TCF20: variants seen among roughly 807,000 people sequenced by gnomAD.
The protein encoded by TCF20 is transcription factor 20, also known as SPRE-binding protein.
In TCF20, 3 loss-of-function variants were observed where a neutral mutation model predicts 148.6. The ratio of observed to expected loss-of-function variants is 0.02; its 90% CI spans 0.01 to 0.05. TCF20 has a LOEUF of 0.05. TCF20 is among the 10% of genes least tolerant of loss of function. The pLI is 1.00. For missense variants in TCF20, 2,350 were observed against 2,429.3 expected, an observed-to-expected ratio of 0.97 and a Z score of 0.69; for synonymous variants, 1,049 against 909.5, an observed-to-expected ratio of 1.15 and a Z score of -2.76.
At chr22:42,336,212 G>C (rs1224112651) in intron 1 of TCF20, among the ~76,000 whole-genome samples, 2 of 152,118 alleles carry the variant, frequency 1.3e-5, no homozygotes, top group South Asian at 4.1e-4. Context: ...GCAAGAACTG[G>C]GTGTGTCCAG....
chr22:42,295,680 T>C (rs1927223110), intron 1 of TCF20, among the ~76,000 whole-genome samples: 1 of 152,136 alleles, frequency 6.6e-6, no homozygotes, highest in Non-Finnish European at 1.5e-5. Flanking sequence ...CCTCAAGTGA[T>C]CCACCCACCT....
Position 42,317,656 on chromosome 22 carries a change from GA to G in TCF20, c.-37+25822del, listed in dbSNP as rs947314319. 6.6e-6 allele frequency among the ~76,000 whole-genome samples: 1 copy of G among 152,232 alleles called. No individual in the cohort carries two copies. ...TGCATTCCCGCTGGGGGCTGGGGGG[GA>G]AAGGGGTGTAGACTCAGCCGCAGGA... On this transcript the variant is annotated intron_variant, in intron 1 of 1. Coordinates refer to the TCF20 transcript ENST00000515426. The surrounding 1 kb of genome is among the most constrained non-coding windows in gnomAD (Gnocchi z 4.2).
At chr22:42,319,761 C>T (rs906819134) in intron 1 of TCF20, among the ~76,000 whole-genome samples, 9 of 152,162 alleles carry the variant, frequency 5.9e-5, no homozygotes, top group Non-Finnish European at 8.8e-5. Flanking sequence ...CACCCTGCAG[C>T]GGCCTGGATG....
At chr22:42,187,539 C>G (rs1937104408) in intron 2 of TCF20, among the ~76,000 whole-genome samples, 1 of 152,196 alleles carries the variant, frequency 6.6e-6, no homozygotes, top group African/African-American at 2.4e-5. Flanking sequence ...TGACCCAGGT[C>G]CAAATCTCTT....
intron 1 of TCF20, among the ~76,000 whole-genome samples, chr22:42,253,067 T>C (rs1410196437): frequency 2.0e-5 from 3 of 152,200 alleles, no homozygotes; most frequent in East Asian, 1.9e-4. Context: ...CAGGGGGCCA[T>C]AGGAAAAAAA....
rs188189383 is a variant in TCF20 at position 42,179,676 on chromosome 22, G to C, written c.5682C>G (p.Gly1894=). 6.2e-7 allele frequency: 1 copy of C among 1,613,878 alleles called. No individual in the cohort carries two copies. Among genetic ancestry groups the C allele is most frequent in the Middle Eastern group, 1.6e-4 (1 of 6,062 alleles). ...CTTTGTTGTAGCAGCCCAAGGTGGC[G>C]CCTGCCTCCTGGCAGTGGGAACATT... ...EMKCSHCQEA[G]ATLGCYNKGC... The change falls in exon 3 of 6, where the codon GGC becomes GGG. Residue 1894 remains glycine, a synonymous_variant. Transcript: ENST00000677622.
At chr22:42,177,251 C>G (rs562488724) in intron 3 of TCF20, among the ~76,000 whole-genome samples, 60 of 152,196 alleles carry the variant, frequency 3.9e-4, no homozygotes, top group African/African-American at 1.4e-3. Context: ...CCCGTCTCTA[C>G]TAAAAATACA....
chr22:42,167,298 T>C (rs1935845936), intron 5 of TCF20, among the ~76,000 whole-genome samples: 1 of 152,122 alleles, frequency 6.6e-6, no homozygotes, highest in Non-Finnish European at 1.5e-5. Flanking sequence ...CGAGGGGCCT[T>C]CTCCGGAAAT....
intron 1 of TCF20, among the ~76,000 whole-genome samples, chr22:42,326,519 T>C (rs1026388163): frequency 1.3e-5 from 2 of 152,220 alleles, no homozygotes; most frequent in African/African-American, 4.8e-5. Flanking sequence ...CTCTCCGCTC[T>C]TCAATCTAGG....
intron 1 of TCF20, among the ~76,000 whole-genome samples, chr22:42,312,984 C>T (rs1340614363): frequency 1.3e-5 from 2 of 152,140 alleles, no homozygotes; most frequent in Non-Finnish European, 2.9e-5. Context: ...GTTTCCTGTC[C>T]AGGAATGCTC....
At chr22:42,284,541 G>A (rs1926987761), upstream of TCF20, among the ~76,000 whole-genome samples, 1 of 152,230 alleles carries the variant, frequency 6.6e-6, no homozygotes, top group South Asian at 2.1e-4. Flanking sequence ...TGTGAGGCCA[G>A]CAAAGTGGCC....
chr22:42,168,695 G>A lies in TCF20; in HGVS notation c.5841C>T (p.Thr1947=), dbSNP rs201866155. The A allele has an allele frequency of 1.9e-5, 31 of 1,610,850 alleles. No homozygotes were observed. The highest frequency in any genetic ancestry group is 1.0e-4 in the Admixed American group (6 of 59,756). ...GCTCTGTGCTGAGGCTGCCTTTCGC[G>A]GTCTTGTTCTGCAAGGGGGGGAGAG... The part of the protein sequence containing the change: ...PCPLPPLQNK[T]AKGSLSTEQS... Residue 1947 remains threonine, a synonymous_variant, in exon 5 of 6, where the codon ACC becomes ACT. Coordinates refer to ENST00000677622, the MANE Select transcript of TCF20 (RefSeq NM_001378418.1).
At chr22:42,188,064 C>T (rs908904886) in intron 2 of TCF20, among the ~76,000 whole-genome samples, 5 of 152,042 alleles carry the variant, frequency 3.3e-5, no homozygotes, top group East Asian at 1.9e-4. Flanking sequence ...GAGGCCGAGG[C>T]AGGCGGATCA....
chr22:42,308,739 T>A (rs1927479571), intron 1 of TCF20, among the ~76,000 whole-genome samples: 1 of 152,006 alleles, frequency 6.6e-6, no homozygotes, highest in Middle Eastern at 3.2e-3. Flanking sequence ...AGAGATGAAG[T>A]GAGGACAGGG....
chr22:42,173,026 G>C (rs1185841441), intron 3 of TCF20, among the ~76,000 whole-genome samples: 1 of 151,932 alleles, frequency 6.6e-6, no homozygotes, highest in Non-Finnish European at 1.5e-5. Flanking sequence ...GATGGCACCA[G>C]CAAGATCAAA....
At chr22:42,268,666 T>C (rs185018881) in intron 1 of TCF20, among the ~76,000 whole-genome samples, 12 of 152,352 alleles carry the variant, frequency 7.9e-5, no homozygotes, top group Non-Finnish European at 1.5e-4. Context: ...CCCAATCACA[T>C]GTTATCCACA....
At position 42,215,111 on chromosome 22, in the gene TCF20, A is replaced by G. The variant is rs762680685; in HGVS notation, c.195T>C (p.Ala65=). Residue 65 remains alanine (A), a synonymous_variant, in exon 2 of 6, where the codon GCT becomes GCC. Coordinates refer to ENST00000677622, the MANE Select transcript of TCF20 (RefSeq NM_001378418.1). The stretch of plus-strand genomic sequence containing the variant: ...AGGTCTCGCTAGCCATCGCTGCCGC[A>G]GCAGCTGCTGCTCCTCGTCGTCCAC... ...SGGGRRGAAA[A]AAAMASETSG... 2.5e-6 allele frequency: 4 copies of G among 1,614,078 alleles called. No homozygotes were observed. Among genetic ancestry groups the G allele is most frequent in the Non-Finnish European group, 2.5e-6 (3 of 1,180,036 alleles).
intron 1 of TCF20, among the ~76,000 whole-genome samples, chr22:42,228,625 G>A (rs1372076605): frequency 2.0e-5 from 3 of 152,212 alleles, no homozygotes; most frequent in Non-Finnish European, 4.4e-5. Context: ...GGCTGGTAAA[G>A]GGAATCAAGA....
At chr22:42,286,952 G>A (rs1020636751), upstream of TCF20, among the ~76,000 whole-genome samples, 1 of 152,110 alleles carries the variant, frequency 6.6e-6, no homozygotes, top group Non-Finnish European at 1.5e-5. Context: ...GGGATCCCAG[G>A]CCAGGAGCAA....
Sources: gnomAD v4.1 joint callset for allele counts (sites outside exome capture counted in the v4.1 genomes callset) on GRCh38, gnomAD v4.1.1 for gene constraint, Gnocchi (gnomAD v3.1) non-coding constraint, MANE v1.5 for transcripts, NCBI Gene and HGNC (gene_info 2026-07-23, HGNC 2026-07-21) for gene names.